GNB4: variants seen among roughly 807,000 people sequenced by gnomAD.
The protein encoded by GNB4 is G protein subunit beta 4.
GNB4 carries 28 observed loss-of-function variants against 45.2 expected under a neutral mutation model. The observed-to-expected ratio is 0.62, with a 90% CI of 0.46 to 0.85. The LOEUF is 0.85. GNB4 is among the 40% of genes least tolerant of loss of function. The probability of loss-of-function intolerance (pLI) is 0.00; values close to 1 mark genes in which losing one functional copy is unlikely to be tolerated. For missense variants in GNB4, 321 were observed against 425.4 expected, an observed-to-expected ratio of 0.75 and a Z score of 2.16; for synonymous variants, 132 against 143.7, an observed-to-expected ratio of 0.92 and a Z score of 0.58.
At chr3:179,413,330 G>A in intron 8 of GNB4, 82 bp downstream of exon 8, 1 of 1,038,730 alleles carries the variant, frequency 9.6e-7, no homozygotes, top group East Asian at 2.5e-5. Flanking sequence ...ATCCTTGAAG[G>A]CAATTTGTTG....
chr3:179,454,641 T>G (rs748824731), upstream of GNB4, among the ~76,000 whole-genome samples: 4 of 152,138 alleles, frequency 2.6e-5, no homozygotes, highest in Non-Finnish European at 4.4e-5. Flanking sequence ...CTAGAAATGG[T>G]CTATATTTTT....
chr3:179,502,839 T>C, the GNB4 span, among the ~76,000 whole-genome samples: 2 of 152,226 alleles, frequency 1.3e-5, no homozygotes, highest in Non-Finnish European at 2.9e-5. Context: ...TTTATTTTCA[T>C]TTTTAATTTA....
the GNB4 span, among the ~76,000 whole-genome samples, chr3:179,485,017 T>A: frequency 8.3e-6 from 1 of 121,138 alleles, no homozygotes; most frequent in Non-Finnish European, 1.8e-5. Flanking sequence ...TTTTTTTTTT[T>A]TTTTTTTTTT....
intron 9 of GNB4, 58 bp from the exon 10 acceptor site, chr3:179,401,377 A>G: frequency 9.7e-7 from 1 of 1,027,468 alleles, no homozygotes; most frequent in South Asian, 1.5e-5. Context: ...TTAAACAAGT[A>G]TATGCAGAGA....
intron 1 of GNB4, among the ~76,000 whole-genome samples, chr3:179,444,854 T>G (rs1403139219): frequency 6.6e-6 from 1 of 152,234 alleles, no homozygotes; most frequent in African/African-American, 2.4e-5. Context: ...ACATGCCAAT[T>G]AGACATAAAA....
the GNB4 span, among the ~76,000 whole-genome samples, chr3:179,484,593 AT>A: frequency 0.73 from 108,965 of 148,346 alleles, 40,029 homozygotes; most frequent in East Asian, 0.97. Flanking sequence ...GTATAGTGCC[AT>A]TTTTTTTTTT....
chr3:179,417,409 ATTTT>A (rs35958397), intron 4 of GNB4, among the ~76,000 whole-genome samples: 3 of 143,378 alleles, frequency 2.1e-5, no homozygotes, highest in South Asian at 4.4e-4. Flanking sequence ...TTTTGTTTGG[ATTTT>A]TTTTTTTTTT....
rs1421212028 is a variant in GNB4, at chr3:179,409,484, C to T, written c.699+3928G>A. 2.0e-5 allele frequency among the ~76,000 whole-genome samples: 3 copies of T among 150,538 alleles called. No homozygotes were observed. In the East Asian group the frequency reaches 5.9e-4, roughly 30 times the overall value. ...CCAACATCACGCCATTGCACTCCAGCCTGGGCAACAAGGGAGAAACTCCAT... is the reference window on the plus strand; with the variant it reads ...CCAACATCACGCCATTGCACTCCAGTCTGGGCAACAAGGGAGAAACTCCAT... On this transcript the variant is annotated intron_variant, in intron 8 of 9. Transcript: ENST00000232564.
chr3:179,521,065 A>G, the GNB4 span, among the ~76,000 whole-genome samples: 1 of 152,130 alleles, frequency 6.6e-6, no homozygotes, highest in East Asian at 1.9e-4. Context: ...GATTTGCCCC[A>G]CCCAGGACTG....
At chr3:179,411,771 C>A (rs1346960131) in intron 8 of GNB4, among the ~76,000 whole-genome samples, 1 of 152,166 alleles carries the variant, frequency 6.6e-6, no homozygotes, top group African/African-American at 2.4e-5. Flanking sequence ...TCTATAAAAT[C>A]ATGTAAAAAA....
At chr3:179,413,877 T>C (rs1714721479) in intron 6 of GNB4, 96 bp from the exon 7 acceptor site, 5 of 889,344 alleles carry the variant, frequency 5.6e-6, no homozygotes, top group Non-Finnish European at 7.0e-6. Context: ...AATAGAATAC[T>C]TGGGCAACAA....
At chr3:179,419,047 A>G (rs1235653921) in intron 4 of GNB4, among the ~76,000 whole-genome samples, 1 of 152,214 alleles carries the variant, frequency 6.6e-6, no homozygotes, top group Non-Finnish European at 1.5e-5. Flanking sequence ...ATATCCAAAA[A>G]CTTGCACATA....
At chr3:179,517,789 C>A in the GNB4 span, among the ~76,000 whole-genome samples, 2 of 152,174 alleles carry the variant, frequency 1.3e-5, no homozygotes, top group Admixed American at 6.5e-5. Flanking sequence ...ATCCGTGAAC[C>A]CAAAACTCTG....
chr3:179,418,223 A>C (rs1714859725), intron 4 of GNB4, among the ~76,000 whole-genome samples: 1 of 152,102 alleles, frequency 6.6e-6, no homozygotes, highest in African/African-American at 2.4e-5. Context: ...TAATCCCAGC[A>C]CTTTGGGAGG....
chr3:179,506,248 G>A, the GNB4 span, among the ~76,000 whole-genome samples: 1 of 152,076 alleles, frequency 6.6e-6, no homozygotes, highest in African/African-American at 2.4e-5. Flanking sequence ...TGAGGTGGGA[G>A]GATCACCTGA....
At chr3:179,462,620 C>T in the GNB4 span, among the ~76,000 whole-genome samples, 1 of 152,126 alleles carries the variant, frequency 6.6e-6, no homozygotes, top group Non-Finnish European at 1.5e-5. Flanking sequence ...GGGCAAATCA[C>T]TTGAGGTCAG....
intron 1 of GNB4, chr3:179,451,049 G>C (rs1715858289): frequency 1.3e-5 from 2 of 152,236 alleles, no homozygotes. Context: ...GCAGGACTTG[G>C]ACCGCCGACC....
chr3:179,475,613 C>T, the GNB4 span, among the ~76,000 whole-genome samples: 1 of 151,978 alleles, frequency 6.6e-6, no homozygotes, highest in Admixed American at 6.6e-5. Context: ...GCTGGGACTA[C>T]AGGTGCATGC....
intron 1 of GNB4, among the ~76,000 whole-genome samples, chr3:179,433,181 G>A (rs115066921): frequency 0.02 from 3,105 of 152,094 alleles, 110 homozygotes; most frequent in African/African-American, 0.071. Flanking sequence ...ACAGAAAATT[G>A]AGTGGGACTT....
Sources: gnomAD v4.1 joint callset for allele counts (sites outside exome capture counted in the v4.1 genomes callset) on GRCh38, gnomAD v4.1.1 for gene constraint, MANE v1.5 for transcripts, NCBI Gene and HGNC (gene_info 2026-07-23, HGNC 2026-07-21) for gene names.